Variants in TPM1 observed in about 807,000 individuals in gnomAD.
TPM1 encodes the protein tropomyosin 1, also known as tropomyosin alpha-1 chain.
In TPM1, 24 loss-of-function variants were observed where a neutral mutation model predicts 42.9. The ratio of observed to expected loss-of-function variants is 0.56; its 90% CI spans 0.41 to 0.79. TPM1 has a LOEUF of 0.79. Among genes scored for constraint, TPM1 ranks in the 30% least tolerant of loss-of-function variants. The pLI, the probability that TPM1 is intolerant of heterozygous loss-of-function variation, is 0.00. For missense variants in TPM1, 158 were observed against 351.8 expected, an observed-to-expected ratio of 0.45 and a Z score of 4.41; for synonymous variants, 136 against 130.1, an observed-to-expected ratio of 1.05 and a Z score of -0.31.
chr15:63,048,383 G>C lies in TPM1; in HGVS notation c.240+4231G>C, dbSNP rs1437239774. On this transcript the variant is annotated intron_variant, in intron 2 of 9. Transcript: ENST00000403994. Reference sequence around the variant, plus strand: ...CTCCCAGCCGCGCGCGCCCGCCTGCGGTTTGTCTGCGCAGCCCTGGAGGCT... The same window carrying C: ...CTCCCAGCCGCGCGCGCCCGCCTGCCGTTTGTCTGCGCAGCCCTGGAGGCT... 4.5e-6 allele frequency: 6 copies of C among 1,348,084 alleles called. No homozygotes were observed. The African/African-American group carries it at 9.4e-5, about 21-fold the overall frequency. 83.5% of individuals were successfully genotyped at this position (1,348,084 alleles called of 1,614,324 possible). A position where few individuals can be genotyped will look rare whatever the true frequency, so the allele number is the denominator to read the frequency against.
chr15:63,050,670 GTGAT>G (rs2033676063), intron 2 of TPM1, among the ~76,000 whole-genome samples: 1 of 152,170 alleles, frequency 6.6e-6, no homozygotes, highest in Non-Finnish European at 1.5e-5. Context: ...ATCTACCTGG[GTGAT>G]TGATTGAACA....
intron 2 of TPM1, chr15:63,048,305 C>A: frequency 1.1e-6 from 1 of 895,414 alleles, no homozygotes. Context: ...CTCCCCGCCG[C>A]CGCGAGCATG....
chr15:63,064,074 C>T lies in TPM1; in HGVS notation c.783C>T (p.Tyr261=), dbSNP rs751001221. ...KSIDDLEDEL[Y]AQKLKYKAIS... is the part of the protein sequence containing the mutation. ...ACTTCCTGGTCATAGACGAGCTGTA[C>T]GCTCAGAAACTGAAGTACAAAGCCA... Residue 261 remains tyrosine, a synonymous_variant, in exon 9 of 10, where the codon TAC becomes TAT. Transcript: ENST00000403994. 6.2e-6 allele frequency: 10 copies of T among 1,613,886 alleles called. No individual in the cohort carries two copies. Among genetic ancestry groups the T allele is most frequent in the African/African-American group, 4.0e-5 (3 of 74,910 alleles).
intron 1 of TPM1, chr15:63,043,639 CG>C (rs952247192): frequency 6.5e-7 from 1 of 1,534,518 alleles, no homozygotes; most frequent in African/African-American, 1.4e-5. Flanking sequence ...ACCCGACGCC[CG>C]TGTGTTGTGT....
intron 8 of TPM1, chr15:63,062,980 C>T: frequency 2.9e-6 from 4 of 1,371,182 alleles, no homozygotes; most frequent in East Asian, 2.7e-5. Context: ...AGTGTTACTT[C>T]CTAATTAAAT....
At chr15:63,051,346 G>A (rs2033814597) in intron 2 of TPM1, among the ~76,000 whole-genome samples, 1 of 139,210 alleles carries the variant, frequency 7.2e-6, no homozygotes, top group Non-Finnish European at 1.5e-5. Context: ...CACTCCCAGA[G>A]TGGCTGTTAA....
At chr15:63,046,478 T>C (rs2032402787) in intron 2 of TPM1, 1 of 152,202 alleles carries the variant, frequency 6.6e-6, no homozygotes, top group Non-Finnish European at 1.5e-5. Context: ...TTTTACATTT[T>C]TCTACTATTA....
At chr15:63,058,880 C>T (rs891109550) in intron 3 of TPM1, among the ~76,000 whole-genome samples, 1 of 152,134 alleles carries the variant, frequency 6.6e-6, no homozygotes, top group Admixed American at 6.6e-5. Context: ...TACACCATGC[C>T]ATAGGACCCT....
At chr15:63,068,145 C>G (rs2036388815), downstream of TPM1, among the ~76,000 whole-genome samples, 1 of 152,214 alleles carries the variant, frequency 6.6e-6, no homozygotes, top group Non-Finnish European at 1.5e-5. Flanking sequence ...GGATATATGT[C>G]TTGGAACCCC....
chr15:63,064,572 A>G, intron 9 of TPM1: 2 of 1,051,568 alleles, frequency 1.9e-6, no homozygotes, highest in Middle Eastern at 4.7e-4. Flanking sequence ...AGGAACCCTT[A>G]AAGTGTCAGG....
intron 4 of TPM1, among the ~76,000 whole-genome samples, 189 bp from the exon 5 acceptor site, chr15:63,060,680 G>A (rs953190770): frequency 6.6e-6 from 1 of 152,200 alleles, no homozygotes; most frequent in African/African-American, 2.4e-5. Flanking sequence ...CAAAGCAGAA[G>A]CCTCTGATCT....
Position 63,065,784 on chromosome 15 carries a change from C to T in TPM1, c.852-112C>T, listed in dbSNP as rs570233350. On this transcript the variant is annotated intron_variant, in intron 9 of 9. Transcript: ENST00000403994. ...GCTGGCAGTGGGGTTTGCATGACTG[C>T]TTCTTGTCTGTGTTTCAAGTGCTCT... is the stretch of plus-strand genomic sequence containing the variant. 4.9e-6 allele frequency: 7 copies of T among 1,414,640 alleles called. No individual in the cohort carries two copies. In the South Asian group the frequency reaches 5.2e-5, roughly 10 times the overall value. The allele number at this position is 1,414,640 out of a possible 1,614,324, so 87.6% of individuals were successfully genotyped here.
At chr15:63,068,547 C>T (rs770303690), downstream of TPM1, among the ~76,000 whole-genome samples, 2 of 152,108 alleles carry the variant, frequency 1.3e-5, no homozygotes, top group Non-Finnish European at 2.9e-5. Context: ...GCACATTTTC[C>T]CTAGGGGTAG....
downstream of TPM1, chr15:63,066,203 T>C: frequency 7.2e-7 from 1 of 1,384,960 alleles, no homozygotes. Flanking sequence ...TGGCTGCTGC[T>C]TTTTCTTTTT....
chr15:63,048,164 C>T (rs1413043070), intron 2 of TPM1: 2 of 446,796 alleles, frequency 4.5e-6, no homozygotes, highest in Admixed American at 4.8e-5. Context: ...CCCTTAGCAG[C>T]CAGCTCCGTT....
chr15:63,060,791 T>C, intron 4 of TPM1, 78 bp from the exon 5 acceptor site: 1 of 1,512,278 alleles, frequency 6.6e-7, no homozygotes, highest in South Asian at 1.1e-5. Context: ...TGATGGGATC[T>C]GATCTCTACC....
intron 2 of TPM1, among the ~76,000 whole-genome samples, chr15:63,055,397 A>G (rs1368165990): frequency 6.6e-6 from 1 of 152,228 alleles, no homozygotes; most frequent in Non-Finnish European, 1.5e-5. Context: ...TTACAAATCT[A>G]GGTGAGCAAA....
intron 9 of TPM1, chr15:63,065,250 T>G: frequency 1.0e-6 from 1 of 987,550 alleles, no homozygotes; most frequent in Non-Finnish European, 1.2e-6. Flanking sequence ...ACTTAAACAT[T>G]AAACTTTTTC....
exon 9 of TPM1, chr15:63,071,304 AG>A: frequency 1.9e-6 from 2 of 1,061,526 alleles, no homozygotes; most frequent in Non-Finnish European, 2.8e-6. Context: ...CAGCTAGGTC[AG>A]GGGGTGGGGA....
Sources: gnomAD v4.1 joint callset for allele counts (sites outside exome capture counted in the v4.1 genomes callset) on GRCh38, gnomAD v4.1.1 for gene constraint, MANE v1.5 for transcripts, NCBI Gene and HGNC (gene_info 2026-07-23, HGNC 2026-07-21) for gene names.